Variants in CNTN6 observed in about 807,000 individuals in gnomAD.
CNTN6 encodes contactin-6.
A neutral mutation model predicts 122.8 loss-of-function variants in CNTN6; 137 were observed. The ratio of observed to expected loss-of-function variants is 1.12; its 90% CI spans 0.97 to 1.29. The LOEUF (loss-of-function observed/expected upper bound fraction) is 1.29, where lower values mean the gene tolerates loss of function less well. Ranked by LOEUF, CNTN6 falls within the 50% of genes most tolerant of loss-of-function variation. The pLI, the probability that CNTN6 is intolerant of heterozygous loss-of-function variation, is 0.00. For missense variants in CNTN6, 1,634 were observed against 1,223.4 expected, an observed-to-expected ratio of 1.34 and a Z score of -5.01; for synonymous variants, 570 against 426.0, an observed-to-expected ratio of 1.34 and a Z score of -4.16.
intron 4 of CNTN6, among the ~76,000 whole-genome samples, chr3:1,250,814 A>T (rs139772269): frequency 6.6e-6 from 1 of 152,106 alleles, no homozygotes; most frequent in African/African-American, 2.4e-5. Flanking sequence ...CCATCTGAAG[A>T]TGCTTCTCCT....
At chr3:1,334,065 A>C (rs1702702194) in intron 11 of CNTN6, among the ~76,000 whole-genome samples, 2 of 152,156 alleles carry the variant, frequency 1.3e-5, no homozygotes, top group African/African-American at 4.8e-5. Context: ...CTGTTCCTAA[A>C]GCAAGGATCT....
At chr3:1,226,692 G>T (rs2094288615) in intron 3 of CNTN6, among the ~76,000 whole-genome samples, 1 of 151,968 alleles carries the variant, frequency 6.6e-6, no homozygotes, top group Non-Finnish European at 1.5e-5. Flanking sequence ...AAAACACACA[G>T]GTTTTCCTGT....
chr3:1,255,110 C>T (rs1451525721), intron 4 of CNTN6, among the ~76,000 whole-genome samples: 3 of 152,058 alleles, frequency 2.0e-5, no homozygotes, highest in Admixed American at 6.6e-5. Context: ...GGTGGGGATC[C>T]AAGAGCAAGG....
intron 10 of CNTN6, 24 bp downstream of exon 10, chr3:1,327,610 C>G (rs776376531): frequency 1.2e-6 from 2 of 1,603,484 alleles, no homozygotes; most frequent in Non-Finnish European, 1.7e-6. Flanking sequence ...TTACAACCAA[C>G]AAATTCAAAA....
chr3:1,370,277 C>T (rs943984598), intron 12 of CNTN6, among the ~76,000 whole-genome samples: 7 of 151,424 alleles, frequency 4.6e-5, no homozygotes, highest in Admixed American at 2.0e-4. Context: ...GGTACATGTG[C>T]ACAACGTGGG....
At chr3:1,292,022 G>GTCAAAACAATTTTTTTTTGCTACA (rs1695414350) in intron 5 of CNTN6, among the ~76,000 whole-genome samples, 1 of 151,984 alleles carries the variant, frequency 6.6e-6, no homozygotes, top group East Asian at 1.9e-4. Context: ...CCCATCCATC[G>GTCAAAACAATTTTTTTTTGCTACA]TCAAAACAAT....
intron 2 of CNTN6, among the ~76,000 whole-genome samples, chr3:1,181,930 G>A (rs2093560388): frequency 6.6e-6 from 1 of 151,852 alleles, no homozygotes; most frequent in Non-Finnish European, 1.5e-5. Context: ...TACCTCCTCT[G>A]CCTATCATCG....
At chr3:1,178,938 T>C (rs1399347371) in intron 2 of CNTN6, among the ~76,000 whole-genome samples, 1 of 152,146 alleles carries the variant, frequency 6.6e-6, no homozygotes, top group Non-Finnish European at 1.5e-5. Context: ...TGCATTCCTA[T>C]GTAAAAGGAA....
chr3:1,250,234 G>A (rs9827849), intron 4 of CNTN6, among the ~76,000 whole-genome samples: 103,579 of 152,070 alleles, frequency 0.68, 36,466 homozygotes, highest in East Asian at 0.91. Context: ...TTTAAACCTC[G>A]GTCTAATGGA....
At chr3:1,105,137 G>A (rs562897112) in intron 1 of CNTN6, among the ~76,000 whole-genome samples, 3 of 152,168 alleles carry the variant, frequency 2.0e-5, no homozygotes, top group South Asian at 4.1e-4. Flanking sequence ...TGTACTTGCA[G>A]GCAGGTGAGT....
intron 12 of CNTN6, among the ~76,000 whole-genome samples, chr3:1,364,066 TG>T (rs1707860532): frequency 6.6e-6 from 1 of 151,920 alleles, no homozygotes; most frequent in South Asian, 2.1e-4. Flanking sequence ...TTTGGAAAAC[TG>T]TCTATTTAAT....
chr3:1,280,779 T>C (rs1197056926), intron 5 of CNTN6, among the ~76,000 whole-genome samples: 1 of 152,052 alleles, frequency 6.6e-6, no homozygotes, highest in East Asian at 1.9e-4. Flanking sequence ...ATTTAATTTA[T>C]GTTACAAGTA....
At chr3:1,191,825 T>C (rs1220212838) in intron 2 of CNTN6, among the ~76,000 whole-genome samples, 1 of 152,152 alleles carries the variant, frequency 6.6e-6, no homozygotes, top group Non-Finnish European at 1.5e-5. Flanking sequence ...CCAATTGGCA[T>C]TTGCAGAGAA....
intron 11 of CNTN6, among the ~76,000 whole-genome samples, chr3:1,348,157 C>CAAAAAAAGAAAAAAAA (rs1705041958): frequency 3.1e-5 from 2 of 64,302 alleles, no homozygotes; most frequent in Non-Finnish European, 5.6e-5. Flanking sequence ...ATGCTATAGA[C>CAAAAAAAGAAAAAAAA]AAAAAAAAAA....
rs1559989617 is a variant in CNTN6 at position 1,384,752 on chromosome 3, TATATATAC to T, written c.2518-851_2518-844del. Among the ~76,000 whole-genome samples the T allele has an allele frequency of 9.1e-5, 12 of 131,514 alleles. 1 individual carries two copies. The highest frequency in any genetic ancestry group is 1.8e-4 in the Non-Finnish European group (11 of 61,844). The allele number at this position is 131,514 out of a possible 152,430, so 86.3% of individuals were successfully genotyped here. ...ACACATATATATACATATATACACA[TATATATAC>T]ATATATATACACATATATATATATA... is the stretch of plus-strand genomic sequence containing the variant. On this transcript the variant is annotated intron_variant, in intron 19 of 22. Coordinates refer to ENST00000446702, the MANE Select transcript of CNTN6 (RefSeq NM_001289080.2).
At chr3:1,380,954 G>A (rs1430963773) in intron 17 of CNTN6, among the ~76,000 whole-genome samples, 3 of 151,906 alleles carry the variant, frequency 2.0e-5, no homozygotes, top group African/African-American at 7.3e-5. Flanking sequence ...CTCTTTTTCT[G>A]GCCTTGTTAA....
chr3:1,229,725 T>C (rs9839123), intron 4 of CNTN6, among the ~76,000 whole-genome samples: 11,649 of 152,234 alleles, frequency 0.077, 504 homozygotes, highest in Middle Eastern at 0.15. Flanking sequence ...TAAGAAGAAA[T>C]TATATGCTTT....
intron 11 of CNTN6, among the ~76,000 whole-genome samples, chr3:1,335,783 C>T (rs1029153274): frequency 7.9e-5 from 12 of 152,110 alleles, no homozygotes; most frequent in African/African-American, 2.7e-4. Flanking sequence ...AATCCCAGCA[C>T]TTTGGGAGGC....
intron 2 of CNTN6, among the ~76,000 whole-genome samples, chr3:1,168,712 G>C (rs1289690598): frequency 6.6e-6 from 1 of 151,912 alleles, no homozygotes; most frequent in Non-Finnish European, 1.5e-5. Flanking sequence ...GTACCTGGGG[G>C]TGCTGAGATC....
Sources: gnomAD v4.1 joint callset for allele counts (sites outside exome capture counted in the v4.1 genomes callset) on GRCh38, gnomAD v4.1.1 for gene constraint, MANE v1.5 for transcripts, NCBI Gene and HGNC (gene_info 2026-07-23, HGNC 2026-07-21) for gene names.